PKHD1L1: variants seen among roughly 807,000 people sequenced by gnomAD.
The protein encoded by PKHD1L1 is PKHD1 like 1, also known as fibrocystin-L.
In PKHD1L1, 434 loss-of-function variants were observed where a neutral mutation model predicts 462.9. That is an observed-to-expected ratio of 0.94 (90% CI 0.87 to 1.02). The LOEUF (loss-of-function observed/expected upper bound fraction) is 1.02. Ranked by LOEUF, PKHD1L1 falls within the 50% of genes least tolerant of loss-of-function variation. The probability of loss-of-function intolerance (pLI) is 0.00; values close to 1 mark genes in which losing one functional copy is unlikely to be tolerated. For synonymous variants in PKHD1L1, 1,781 were observed against 1,750.0 expected, an observed-to-expected ratio of 1.02 and a Z score of -0.44; for missense variants, 5,202 against 5,096.1, an observed-to-expected ratio of 1.02 and a Z score of -0.63.
At chr8:109,413,388 A>G (rs773314089) in intron 20 of PKHD1L1, 33 bp from the exon 21 acceptor site, 13 of 1,386,774 alleles carry the variant, frequency 9.4e-6, no homozygotes, top group African/African-American at 1.4e-5. Context: ...ATGGTAATAT[A>G]TTGTTACCAA....
intron 20 of PKHD1L1, 44 bp downstream of exon 20, chr8:109,412,458 C>A: frequency 1.3e-6 from 2 of 1,502,758 alleles, no homozygotes; most frequent in Admixed American, 2.3e-5. Flanking sequence ...TGGAAAATAC[C>A]TTGGTAATAA....
At position 109,398,504 on chromosome 8, in the gene PKHD1L1, G is replaced by A. The variant is rs757637340; in HGVS notation, c.968G>A (p.Cys323Tyr). The part of the protein sequence containing the change: ...ILNVTENSIC[C>Y]KTPPKPHILK... ...AATGTCACAGAAAATAGTATATGTT[G>A]CAAGACACCCCCCAAACCTCATATT... Residue 323 changes from cysteine to tyrosine, a missense_variant, in exon 12 of 78, where the codon TGC (cysteine) becomes TAC (tyrosine). By Grantham distance (194) the Cys-to-Tyr change is radical (BLOSUM62 -2). Around this residue, in one of 3 missense-constraint regions of PKHD1L1, gnomAD observed 4,497 missense variants for 4,336.8 expected, o/e 1.04. Transcript: ENST00000378402. 4 of 1,574,204 alleles carry A rather than the reference G, an allele frequency of 2.5e-6. No individual in the cohort carries two copies. The highest frequency in any genetic ancestry group is 1.8e-5 in the Admixed American group (1 of 55,350).
chr8:109,504,177 A>C, intron 67 of PKHD1L1, 150 bp from the exon 68 acceptor site: 1 of 483,330 alleles, frequency 2.1e-6, no homozygotes, highest in Non-Finnish European at 3.6e-6. Context: ...AACAGGCTAC[A>C]ACAAATAGTG....
intron 63 of PKHD1L1, 87 bp downstream of exon 63, chr8:109,493,838 A>G (rs1818953230): frequency 1.3e-6 from 1 of 789,576 alleles, no homozygotes; most frequent in Non-Finnish European, 1.9e-6. Context: ...TGTTAATTCA[A>G]TATGTGATGT....
rs554741122 is a variant in PKHD1L1 at position 109,471,393 on chromosome 8, C to G, written c.8606-3725C>G. 1.5e-4 allele frequency among the ~76,000 whole-genome samples: 23 copies of G among 152,310 alleles called. No homozygotes were observed. The East Asian group carries it at 4.0e-3, about 27-fold the overall frequency. On this transcript the variant is annotated intron_variant, in intron 50 of 77. Coordinates refer to ENST00000378402, the MANE Select transcript of PKHD1L1 (RefSeq NM_177531.6). ...TGCACAAAGACAAGTAAAGAACATT[C>G]TCTCATAGAACAATGATCTGTTTTA...
chr8:109,518,706 ATC>A (rs923878024), intron 73 of PKHD1L1, among the ~76,000 whole-genome samples, 198 bp downstream of exon 73: 15 of 152,124 alleles, frequency 9.9e-5, no homozygotes, highest in African/African-American at 3.4e-4. Context: ...AGGAATTTGA[ATC>A]TCTGTTTTGT....
chr8:109,389,083 G>A lies in PKHD1L1; in HGVS notation c.628G>A (p.Gly210Ser). The A allele has an allele frequency of 6.3e-7, 1 of 1,597,600 alleles. No homozygotes were observed. The highest frequency in any genetic ancestry group is 8.6e-7 in the Non-Finnish European group (1 of 1,168,668). Residue 210 changes from glycine to serine, a missense_variant, in exon 8 of 78, where the codon GGT (glycine) becomes AGT (serine). Gly to Ser is a moderately conservative substitution (Grantham distance 56, BLOSUM62 0). Coordinates refer to ENST00000378402, the MANE Select transcript of PKHD1L1 (RefSeq NM_177531.6). ...CATTAACTTTTTTTTAATTAGATAT[G>A]GTCTAAAACTGGATCATCCAAATGG... The part of the protein sequence containing the change: ...LLIPQSDNLY[G>S]LKLDHPNGDM...
chr8:109,504,307 A>T lies in PKHD1L1; in HGVS notation c.10829-20A>T. On this transcript the variant is annotated intron_variant, in intron 67 of 77. Transcript: ENST00000378402. ...CTTTCTTTAGAGAAAATAATCACTT[A>T]TCTATTATTTATGTTTTAGGTTCAA... 2 of 1,337,234 alleles carry T rather than the reference A, an allele frequency of 1.5e-6. No individual in the cohort carries two copies. The highest frequency in any genetic ancestry group is 2.0e-6 in the Non-Finnish European group (2 of 996,028). The allele number at this position is 1,337,234 out of a possible 1,614,324, so 82.8% of individuals were successfully genotyped here. A position where few individuals can be genotyped will look rare whatever the true frequency, so the allele number is the denominator to read the frequency against.
chr8:109,415,906 T>TGG lies in PKHD1L1; in HGVS notation c.2360+2361_2360+2362insGG, dbSNP rs1491302683. Among the ~76,000 whole-genome samples the TGG allele has an allele frequency of 4.8e-4, 69 of 144,468 alleles. 1 individual carries two copies. In the South Asian group the frequency reaches 9.1e-3, roughly 19 times the overall value. The allele number at this position is 144,468 out of a possible 152,430, so 94.8% of individuals were successfully genotyped here. A position where few individuals can be genotyped will look rare whatever the true frequency, so the allele number is the denominator to read the frequency against. ...GTGTGTGTGTGTGTGTGTGTGTGTGTAGGAAATCATAGTCTTCCGTTTTTA... is the reference window on the plus strand; with the variant it reads ...GTGTGTGTGTGTGTGTGTGTGTGTGTGGAGGAAATCATAGTCTTCCGTTTTTA... On this transcript the variant is annotated intron_variant, in intron 21 of 77. Coordinates refer to ENST00000378402, the MANE Select transcript of PKHD1L1 (RefSeq NM_177531.6).
At chr8:109,366,404 A>G (rs1385740927) in intron 2 of PKHD1L1, among the ~76,000 whole-genome samples, 2 of 152,260 alleles carry the variant, frequency 1.3e-5, no homozygotes, top group African/African-American at 4.8e-5. Flanking sequence ...ATACTGCCTT[A>G]TAGAGGCAGA....
At position 109,419,109 on chromosome 8, in the gene PKHD1L1, T is replaced by A; in HGVS notation, c.2373T>A (p.Thr791=). The A allele has an allele frequency of 6.2e-7, 1 of 1,612,614 alleles. No individual in the cohort carries two copies. Among genetic ancestry groups the A allele is most frequent in the Non-Finnish European group, 8.5e-7 (1 of 1,179,014 alleles). ...AACCGTATTTCAGCTGGACTTACAC[T>A]TGCATAGACCTTCTGGATCTCGTAA... The part of the protein sequence containing the change: ...NFAYGNNWTY[T]CIDLLDLVRT... The change falls in exon 22 of 78, where the codon ACT becomes ACA. Residue 791 remains threonine, a synonymous_variant. Transcript: ENST00000378402.
chr8:109,442,829 A>T, intron 35 of PKHD1L1, 117 bp from the exon 36 acceptor site: 1 of 968,220 alleles, frequency 1.0e-6, no homozygotes, highest in Non-Finnish European at 1.5e-6. Flanking sequence ...ACACATGAAA[A>T]ATAAGAAACT....
At chr8:109,467,717 T>C (rs987627000) in intron 50 of PKHD1L1, among the ~76,000 whole-genome samples, 5 of 152,172 alleles carry the variant, frequency 3.3e-5, no homozygotes, top group African/African-American at 1.2e-4. Flanking sequence ...AATATACTGT[T>C]CTGAGGGACT....
intron 30 of PKHD1L1, among the ~76,000 whole-genome samples, chr8:109,437,023 C>A (rs1360369076): frequency 6.6e-6 from 1 of 152,236 alleles, no homozygotes; most frequent in Non-Finnish European, 1.5e-5. Flanking sequence ...TCAAGCGATT[C>A]TCCTGCCTCA....
intron 58 of PKHD1L1, among the ~76,000 whole-genome samples, chr8:109,486,372 C>T (rs985297666): frequency 2.6e-5 from 4 of 151,924 alleles, no homozygotes; most frequent in Admixed American, 2.0e-4. Context: ...TTATATACTA[C>T]CTTCAAGATT....
Position 109,533,455 on chromosome 8 carries a change from A to T in PKHD1L1, c.*3365A>T, listed in dbSNP as rs1377487026. Among the ~76,000 whole-genome samples, 1 of 152,230 alleles carries T rather than the reference A, an allele frequency of 6.6e-6. No homozygotes were observed. Among genetic ancestry groups the T allele is most frequent in the Non-Finnish European group, 1.5e-5 (1 of 68,036 alleles). Reference sequence around the variant, plus strand: ...CTGGAACAGTGCCTGGCATGTAATAAGCACCATGTGAGTGCTAATTATTAG... The same window carrying T: ...CTGGAACAGTGCCTGGCATGTAATATGCACCATGTGAGTGCTAATTATTAG... On this transcript the variant is annotated 3_prime_UTR_variant, in exon 78 of 78. Coordinates refer to ENST00000378402, the MANE Select transcript of PKHD1L1 (RefSeq NM_177531.6).
rs1169849463 is a variant in PKHD1L1, at chr8:109,456,314, G to A, written c.6927G>A (p.Gly2309=). 1.9e-6 allele frequency: 3 copies of A among 1,612,410 alleles called. No individual in the cohort carries two copies. Among genetic ancestry groups the A allele is most frequent in the Admixed American group, 1.7e-5 (1 of 59,834 alleles). Residue 2309 remains glycine (G), a synonymous_variant, in exon 46 of 78, where the codon GGG becomes GGA. Coordinates refer to ENST00000378402, the MANE Select transcript of PKHD1L1 (RefSeq NM_177531.6). ...WTRLAHTAKA[G]ERILILQEAV... ...GCTTGGCTCATACTGCAAAGGCAGG[G>A]GAAAGAATTTTAATTTTACAAGAAG...
intron 2 of PKHD1L1, among the ~76,000 whole-genome samples, chr8:109,372,088 C>T (rs1811542081): frequency 6.6e-6 from 1 of 152,130 alleles, no homozygotes; most frequent in South Asian, 2.1e-4. Flanking sequence ...TATAAATTAC[C>T]TTGGGCAGTA....
chr8:109,436,050 T>C (rs557404002), intron 29 of PKHD1L1, among the ~76,000 whole-genome samples: 30 of 152,296 alleles, frequency 2.0e-4, no homozygotes, highest in African/African-American at 7.2e-4. Flanking sequence ...CTGTGAAAAA[T>C]AGCAGATGCT....
Sources: gnomAD v4.1 joint callset for allele counts (sites outside exome capture counted in the v4.1 genomes callset) on GRCh38, gnomAD v4.1.1 for gene constraint, gnomAD v4.1.1 regional missense constraint, MANE v1.5 for transcripts, NCBI Gene and HGNC (gene_info 2026-07-23, HGNC 2026-07-21) for gene names.